ZNF681: variants seen among roughly 807,000 people sequenced by gnomAD.
The protein encoded by ZNF681 is zinc finger protein 681.
A neutral mutation model predicts 56.0 loss-of-function variants in ZNF681; 37 were observed. The observed-to-expected ratio is 0.66, with a 90% CI of 0.51 to 0.87. The LOEUF is 0.87. Ranked by LOEUF, ZNF681 falls within the 40% of genes least tolerant of loss-of-function variation. The pLI is 0.00. For missense variants in ZNF681, 741 were observed against 744.9 expected, an observed-to-expected ratio of 0.99 and a Z score of 0.06; for synonymous variants, 225 against 248.6, an observed-to-expected ratio of 0.91 and a Z score of 0.89.
chr19:23,753,777 G>A (rs1243245401), intron 3 of ZNF681, among the ~76,000 whole-genome samples: 2 of 147,208 alleles, frequency 1.4e-5, no homozygotes, highest in Non-Finnish European at 3.0e-5. Context: ...CAGGATAATA[G>A]CTTGAACCTG....
rs372831294 is a variant in ZNF681, at chr19:23,758,871, G to C, written c.-122C>G. ...CAGAGCAGTGAAGACGAGACCCGGAGCTCGGGCTGAAGGGAGAGACAAAGG... is the reference window on the plus strand; with the variant it reads ...CAGAGCAGTGAAGACGAGACCCGGACCTCGGGCTGAAGGGAGAGACAAAGG... On this transcript the variant is annotated 5_prime_UTR_variant, in exon 1 of 4. Transcript: ENST00000402377. 2.6e-5 allele frequency: 36 copies of C among 1,402,424 alleles called. No homozygotes were observed. The highest frequency in any genetic ancestry group is 3.6e-5 in the Non-Finnish European group (36 of 1,014,052). The allele number at this position is 1,402,424 out of a possible 1,614,324, so 86.9% of individuals were successfully genotyped here. A position where few individuals can be genotyped will look rare whatever the true frequency, so the allele number is the denominator to read the frequency against.
At position 23,743,861 on chromosome 19, in the gene ZNF681, T is replaced by C. The variant is rs1443636523; in HGVS notation, c.1689A>G (p.Gln563=). Reference sequence around the variant, plus strand: ...TAAAGGCTTTACCACATTCTTCACATTGGTAGGGTTTCTCTCCAGTATGAA... The same window carrying C: ...TAAAGGCTTTACCACATTCTTCACACTGGTAGGGTTTCTCTCCAGTATGAA... The part of the protein sequence containing the change: ...KVIHTGEKPY[Q]CEECGKAFNQ... Residue 563 remains glutamine, a synonymous_variant, in exon 4 of 4, where the codon CAA becomes CAG. Transcript: ENST00000402377. 2 of 1,612,966 alleles carry C rather than the reference T, an allele frequency of 1.2e-6. No homozygotes were observed. Among genetic ancestry groups the C allele is most frequent in the African/African-American group, 2.7e-5 (2 of 74,868 alleles).
chr19:23,753,988 A>G (rs1185742333), intron 3 of ZNF681, among the ~76,000 whole-genome samples: 4 of 152,114 alleles, frequency 2.6e-5, no homozygotes, highest in Admixed American at 6.6e-5. Flanking sequence ...ATGAAACTAC[A>G]ATAAACTTTG....
chr19:23,744,945 T>G lies in ZNF681; in HGVS notation c.605A>C (p.Asp202Ala), dbSNP rs755431793. 1.9e-6 allele frequency: 3 copies of G among 1,602,152 alleles called. No individual in the cohort carries two copies. Among genetic ancestry groups the G allele is most frequent in the African/African-American group, 2.7e-5 (2 of 73,538 alleles). Reference protein sequence around the residue: ...CTRVNFYKCEDCGKAFNGSSI... With the variant: ...CTRVNFYKCEACGKAFNGSSI... ...GGATCCATTAAAGGCTTTTCCACAG[T>G]CTTCACATTTGTAGAAATTTACTCT... The change falls in exon 4 of 4, where the codon GAC becomes GCC. Residue 202 changes from aspartate (D) to alanine (A), a missense_variant. Transcript: ENST00000402377.
intron 3 of ZNF681, among the ~76,000 whole-genome samples, chr19:23,752,335 G>C (rs1290188190): frequency 2.6e-5 from 4 of 152,190 alleles, no homozygotes; most frequent in African/African-American, 9.7e-5. Flanking sequence ...CCATGCAGCA[G>C]GCCTGCAGAC....
At chr19:23,745,771 T>C (rs1189931681) in intron 3 of ZNF681, among the ~76,000 whole-genome samples, 2 of 152,092 alleles carry the variant, frequency 1.3e-5, no homozygotes, top group Non-Finnish European at 2.9e-5. Context: ...AATTTCTTAA[T>C]AGAAATATAA....
intron 1 of ZNF681, among the ~76,000 whole-genome samples, chr19:23,757,006 G>T (rs2144856705): frequency 6.6e-6 from 1 of 152,050 alleles, no homozygotes; most frequent in Non-Finnish European, 1.5e-5. Flanking sequence ...GAGTAGCTGG[G>T]ATTACAGATG....
At chr19:23,755,394 A>G in intron 2 of ZNF681, 31 bp downstream of exon 2, 1 of 1,593,914 alleles carries the variant, frequency 6.3e-7, no homozygotes, top group South Asian at 1.1e-5. Context: ...TTTAGGGTAT[A>G]ATAGGAATTG....
At chr19:23,756,782 C>G (rs1235314734) in intron 1 of ZNF681, among the ~76,000 whole-genome samples, 1 of 151,812 alleles carries the variant, frequency 6.6e-6, no homozygotes, top group South Asian at 2.1e-4. Flanking sequence ...ACACGTTCTG[C>G]ACTTGTATCC....
In ZNF681 at chr19:23,740,606, A is replaced by G. The variant is rs909691265; in HGVS notation, c.*3006T>C. The G allele has an allele frequency of 6.6e-6, 1 of 152,152 alleles. No individual in the cohort carries two copies. Among genetic ancestry groups the G allele is most frequent in the Admixed American group, 6.6e-5 (1 of 15,262 alleles). The allele number at this position is 152,152 out of a possible 1,614,324, so 9.4% of individuals were successfully genotyped here. A position where few individuals can be genotyped will look rare whatever the true frequency, so the allele number is the denominator to read the frequency against. ...GAAAGCACTGTCATGTTTGTTTGCT[A>G]TATTTATATATAAAAACATCCTCAT... On this transcript the variant is annotated 3_prime_UTR_variant, in exon 4 of 4. Coordinates refer to ENST00000402377, the MANE Select transcript of ZNF681 (RefSeq NM_138286.3).
rs202141787 is a variant in ZNF681, at chr19:23,755,554, G to GAA, written c.4-5_4-4dup. ...ACATCCCTAAATTTCAATGGTTCCT[G>GAA]AAAAACACACACACACACACACACA... is the stretch of plus-strand genomic sequence containing the variant. On this transcript the variant is annotated splice_polypyrimidine_tract_variant and splice_region_variant and intron_variant, in intron 1 of 3. Coordinates refer to ENST00000402377, the MANE Select transcript of ZNF681 (RefSeq NM_138286.3). The GAA allele has an allele frequency of 1.0e-5, 15 of 1,434,670 alleles. No homozygotes were observed. The highest frequency in any genetic ancestry group is 8.4e-5 in the South Asian group (7 of 83,214). The allele number at this position is 1,434,670 out of a possible 1,614,324, so 88.9% of individuals were successfully genotyped here.
At position 23,755,558 on chromosome 19, in the gene ZNF681, A is replaced by C. The variant is rs753782929; in HGVS notation, c.4-7T>G. Reference sequence around the variant, plus strand: ...CCCTAAATTTCAATGGTTCCTGAAAAACACACACACACACACACACACACA... The same window carrying C: ...CCCTAAATTTCAATGGTTCCTGAAACACACACACACACACACACACACACA... On this transcript the variant is annotated splice_polypyrimidine_tract_variant and splice_region_variant and intron_variant, in intron 1 of 3. Coordinates refer to ENST00000402377, the MANE Select transcript of ZNF681 (RefSeq NM_138286.3). The C allele has an allele frequency of 1.3e-3, 1,696 of 1,277,252 alleles. 29 individuals carry two copies. Among genetic ancestry groups the C allele is most frequent in the South Asian group, 5.2e-3 (353 of 67,728 alleles). The allele number at this position is 1,277,252 out of a possible 1,614,324, so 79.1% of individuals were successfully genotyped here.
At chr19:23,754,437 G>A (rs1338261445) in intron 3 of ZNF681, among the ~76,000 whole-genome samples, 1 of 152,138 alleles carries the variant, frequency 6.6e-6, no homozygotes, top group Admixed American at 6.5e-5. Context: ...GCCAAGGCGG[G>A]CAGATCACCT....
chr19:23,751,432 C>T (rs1311217743), intron 3 of ZNF681, among the ~76,000 whole-genome samples: 5 of 146,068 alleles, frequency 3.4e-5, no homozygotes, highest in Admixed American at 7.0e-5. Flanking sequence ...GCCGAGATTG[C>T]GCCATTGTAC....
At position 23,745,055 on chromosome 19, in the gene ZNF681, G is replaced by C. The variant is rs750466654; in HGVS notation, c.495C>G (p.Thr165=). 5 of 1,594,910 alleles carry C rather than the reference G, an allele frequency of 3.1e-6. No individual in the cohort carries two copies. In the East Asian group the frequency reaches 9.0e-5, roughly 29 times the overall value. ...SNLNGHKVRH[T]RKKPFKYKEF... is the part of the protein sequence containing the mutation. ...CTTTATATTTAAAAGGTTTTTTTCTGGTGTGTCTTACCTTATGTCCATTTA... is the reference window on the plus strand; with the variant it reads ...CTTTATATTTAAAAGGTTTTTTTCTCGTGTGTCTTACCTTATGTCCATTTA... The change falls in exon 4 of 4, where the codon ACC becomes ACG. Residue 165 remains threonine (T), a synonymous_variant. Coordinates refer to ENST00000402377, the MANE Select transcript of ZNF681 (RefSeq NM_138286.3).
intron 3 of ZNF681, among the ~76,000 whole-genome samples, chr19:23,751,086 G>C (rs1422960882): frequency 1.5e-5 from 2 of 131,654 alleles, no homozygotes; most frequent in East Asian, 4.7e-4. Flanking sequence ...CCAAGACTGC[G>C]CCATTGCACT....
intron 1 of ZNF681, among the ~76,000 whole-genome samples, 192 bp downstream of exon 1, chr19:23,758,555 C>T (rs1189024489): frequency 2.0e-5 from 3 of 152,210 alleles, no homozygotes; most frequent in Non-Finnish European, 4.4e-5. Flanking sequence ...AGGACACAGT[C>T]ACTGAGCAGG....
In ZNF681 at chr19:23,744,335, C is replaced by T. The variant is rs139991488; in HGVS notation, c.1215G>A (p.Lys405=). Residue 405 remains lysine (K), a synonymous_variant, in exon 4 of 4, where the codon AAG becomes AAA. Transcript: ENST00000402377. ...TCTTATGTCTAGTAAGGTGTGAGGA[C>T]TTGTTAAAAGCTTTGCCACATTCTT... ...KCEECGKAFN[K]SSHLTRHKSI... 1.3e-4 allele frequency: 217 copies of T among 1,612,612 alleles called. No homozygotes were observed. The highest frequency in any genetic ancestry group is 1.8e-4 in the Non-Finnish European group (210 of 1,179,620).
In ZNF681 at chr19:23,743,381, T is replaced by A. The variant is rs1968893752; in HGVS notation, c.*231A>T. On this transcript the variant is annotated 3_prime_UTR_variant, in exon 4 of 4. Coordinates refer to ENST00000402377, the MANE Select transcript of ZNF681 (RefSeq NM_138286.3). ...TTGCATGTATAATGCTTTTATTAAG[T>A]ATGAAATCTCTGATGTTGAGTAAGA... 1 of 346,896 alleles carries A rather than the reference T, an allele frequency of 2.9e-6. No homozygotes were observed. Among genetic ancestry groups the A allele is most frequent in the Non-Finnish European group, 5.1e-6 (1 of 195,142 alleles). The allele number at this position is 346,896 out of a possible 1,614,324, so 21.5% of individuals were successfully genotyped here.
Sources: gnomAD v4.1 joint callset for allele counts (sites outside exome capture counted in the v4.1 genomes callset) on GRCh38, gnomAD v4.1.1 for gene constraint, MANE v1.5 for transcripts, NCBI Gene and HGNC (gene_info 2026-07-23, HGNC 2026-07-21) for gene names.